The following ZIC4 variants were observed in gnomAD, a reference collection of about 807,000 sequenced individuals.
ZIC4 encodes zinc finger protein ZIC 4.
Under a neutral mutation model 28.8 loss-of-function variants are expected in ZIC4, and 15 were observed. The ratio of observed to expected loss-of-function variants is 0.52; its 90% CI spans 0.35 to 0.80. The LOEUF (loss-of-function observed/expected upper bound fraction) is 0.80. Among genes scored for constraint, ZIC4 ranks in the 30% least tolerant of loss-of-function variants. ZIC4 has a pLI of 0.01. For missense variants in ZIC4, 512 were observed against 467.1 expected (o/e 1.10, Z -0.89); for synonymous variants, 220 against 198.1 (o/e 1.11, Z -0.93).
At chr3:147,402,667 A>AAG in intron 2 of ZIC4, 61 bp downstream of exon 2, 5 of 1,456,112 alleles carry the variant, frequency 3.4e-6, no homozygotes, top group Non-Finnish European at 3.7e-6. Context: ...TAAAAAAAAA[A>AAG]AAGAAGAAGA....
chr3:147,386,358 T>A lies in ZIC4; in HGVS notation c.*2501A>T, dbSNP rs2086797621. ...GATTTCAGCCAGGCTTTTGTGTATATGTGAATTATGATTACAAAATGTTTG... is the reference window on the plus strand; with the variant it reads ...GATTTCAGCCAGGCTTTTGTGTATAAGTGAATTATGATTACAAAATGTTTG... On this transcript the variant is annotated 3_prime_UTR_variant, in exon 5 of 5. Transcript: ENST00000383075. 1.3e-5 allele frequency: 2 copies of A among 152,654 alleles called. No homozygotes were observed. Among genetic ancestry groups the A allele is most frequent in the South Asian group, 4.1e-4 (2 of 4,836 alleles). The allele number at this position is 152,654 out of a possible 1,614,324, so 9.5% of individuals were successfully genotyped here.
chr3:147,399,604 A>C (rs1017489515), intron 2 of ZIC4, among the ~76,000 whole-genome samples: 9 of 151,846 alleles, frequency 5.9e-5, no homozygotes, highest in African/African-American at 2.2e-4. Flanking sequence ...TAAAACTAAC[A>C]GTTCAGAATG....
At chr3:147,402,377 A>G (rs1158061632) in intron 2 of ZIC4, among the ~76,000 whole-genome samples, 1 of 152,216 alleles carries the variant, frequency 6.6e-6, no homozygotes, top group Non-Finnish European at 1.5e-5. Flanking sequence ...AATTGTCTGG[A>G]AATGAATTCA....
chr3:147,392,606 G>A (rs1158803156), intron 3 of ZIC4: 2 of 208,968 alleles, frequency 9.6e-6, no homozygotes, highest in Non-Finnish European at 1.7e-5. Context: ...AGCTGAGGAG[G>A]AAGACGCGCA....
At chr3:147,402,838 T>C (rs2087196699) in intron 1 of ZIC4, 26 bp from the exon 2 acceptor site, 2 of 1,602,178 alleles carry the variant, frequency 1.2e-6, no homozygotes, top group African/African-American at 2.7e-5. Flanking sequence ...AGAGTGACAG[T>C]CACTAGTTAA....
At chr3:147,402,507 G>A (rs553887097) in intron 2 of ZIC4, among the ~76,000 whole-genome samples, 2 of 152,234 alleles carry the variant, frequency 1.3e-5, no homozygotes, top group East Asian at 3.9e-4. Context: ...GCATTGAGGG[G>A]GATTAGCTGG....
chr3:147,392,599 T>G (rs564895911), intron 3 of ZIC4: 1 of 232,694 alleles, frequency 4.3e-6, no homozygotes, highest in South Asian at 1.6e-4. Context: ...AGCGTCTAGC[T>G]GAGGAGGAAG....
rs2087048126 is a variant in ZIC4 at position 147,396,516 on chromosome 3, G to A, written c.71-47C>T. The A allele has an allele frequency of 6.7e-7, 1 of 1,489,384 alleles. No homozygotes were observed. Among genetic ancestry groups the A allele is most frequent in the East Asian group, 2.3e-5 (1 of 43,078 alleles). The allele number at this position is 1,489,384 out of a possible 1,614,324, so 92.3% of individuals were successfully genotyped here. ...CGCATGAGAACGGGTGGCGTGGGCT[G>A]CGCGCTCTTCCCTGGGCCCCGGGGG... is the stretch of plus-strand genomic sequence containing the variant. On this transcript the variant is annotated intron_variant, in intron 2 of 4. Coordinates refer to ENST00000383075, the MANE Select transcript of ZIC4 (RefSeq NM_032153.6). The surrounding 1 kb of genome is among the most constrained non-coding windows in gnomAD (Gnocchi z 4.2).
chr3:147,398,183 C>T (rs950820718), intron 2 of ZIC4, among the ~76,000 whole-genome samples: 1 of 152,216 alleles, frequency 6.6e-6, no homozygotes, highest in Non-Finnish European at 1.5e-5. Context: ...TCGGATCTCC[C>T]TGGGCAAATC....
chr3:147,395,362 G>A (rs768110543), intron 3 of ZIC4, among the ~76,000 whole-genome samples: 6 of 152,072 alleles, frequency 3.9e-5, no homozygotes, highest in African/African-American at 7.2e-5. Context: ...TCAAAAATAC[G>A]TACAAAGTTA....
rs2086809625 is a variant in ZIC4, at chr3:147,387,092, GACTTAGGGTA to G, written c.*1757_*1766del. On this transcript the variant is annotated 3_prime_UTR_variant, in exon 5 of 5. Coordinates refer to ENST00000383075, the MANE Select transcript of ZIC4 (RefSeq NM_032153.6). ...AGAAAGAAGCAGAAACACAATTATG[GACTTAGGGTA>G]TGTATTCTGCTTGCACCCTCTCTGC... The G allele has an allele frequency of 6.6e-6, 1 of 152,132 alleles. No homozygotes were observed. The highest frequency in any genetic ancestry group is 1.5e-5 in the Non-Finnish European group (1 of 68,030). The allele number at this position is 152,132 out of a possible 1,614,324, so 9.4% of individuals were successfully genotyped here. A position where few individuals can be genotyped will look rare whatever the true frequency, so the allele number is the denominator to read the frequency against.
intron 4 of ZIC4, chr3:147,389,170 C>A: frequency 2.4e-6 from 1 of 417,194 alleles, no homozygotes. Context: ...GAATTTCAGT[C>A]CCCCTTTCTC....
intron 1 of ZIC4, among the ~76,000 whole-genome samples, chr3:147,404,519 C>A (rs2087234527): frequency 6.6e-6 from 1 of 152,180 alleles, no homozygotes; most frequent in South Asian, 2.1e-4. Flanking sequence ...TGGGAGCAAT[C>A]CTGGGGCCCG....
In ZIC4 at chr3:147,405,435, C is replaced by G. The variant is rs760923669; in HGVS notation, c.-16+928G>C. ...GCCGAAGTGCAACCCTCCAAAAGCC[C>G]CTCCGCTTTCCTAAGACTTTGACAT... is the stretch of plus-strand genomic sequence containing the variant. On this transcript the variant is annotated intron_variant, in intron 1 of 4. Transcript: ENST00000383075. 7 of 1,537,112 alleles carry G rather than the reference C, an allele frequency of 4.6e-6. No individual in the cohort carries two copies. In the Admixed American group the frequency reaches 1.4e-4, roughly 30 times the overall value.
chr3:147,403,959 C>A, intron 1 of ZIC4: 1 of 1,536,526 alleles, frequency 6.5e-7, no homozygotes. Context: ...GGGGGGTAGA[C>A]TCACCTTTTC....
intron 2 of ZIC4, among the ~76,000 whole-genome samples, chr3:147,402,161 A>G (rs2087177570): frequency 6.6e-6 from 1 of 152,218 alleles, no homozygotes; most frequent in Non-Finnish European, 1.5e-5. Context: ...ATATTAAATT[A>G]AATTCTTCAC....
At chr3:147,390,327 A>G (rs1196134294) in intron 4 of ZIC4, among the ~76,000 whole-genome samples, 1 of 152,082 alleles carries the variant, frequency 6.6e-6, no homozygotes, top group African/African-American at 2.4e-5. Flanking sequence ...AACTGGAGTC[A>G]AGAAAACGGC....
chr3:147,402,572 G>T (rs1166192174), intron 2 of ZIC4, among the ~76,000 whole-genome samples, 156 bp downstream of exon 2: 1 of 151,766 alleles, frequency 6.6e-6, no homozygotes, highest in African/African-American at 2.4e-5. Context: ...GAACACTAAG[G>T]AGTTCTAAGT....
At position 147,396,036 on chromosome 3, in the gene ZIC4, C is replaced by A; in HGVS notation, c.504G>T (p.Gln168His). Reference sequence around the variant, plus strand: ...CCTCCCAGAAGCAAATGTGGTTGGCCTGTTCCGGGCCGCCGACGTGCTCCA... The same window carrying A: ...CCTCCCAGAAGCAAATGTGGTTGGCATGTTCCGGGCCGCCGACGTGCTCCA... ...VTVEHVGGPE[Q>H]ANHICFWEEC... The change falls in exon 3 of 5, where the codon CAG becomes CAT. Residue 168 changes from glutamine to histidine, a missense_variant. Transcript: ENST00000383075. This position sits in a 1 kb window ranked among gnomAD's most constrained non-coding sequence, Gnocchi z 4.2. 6.2e-7 allele frequency: 1 copy of A among 1,614,266 alleles called. No homozygotes were observed. Among genetic ancestry groups the A allele is most frequent in the Non-Finnish European group, 8.5e-7 (1 of 1,180,052 alleles).
Sources: allele counts gnomAD v4.1 joint callset (sites outside exome capture counted in the v4.1 genomes callset), GRCh38; gene constraint gnomAD v4.1.1; non-coding constraint Gnocchi (gnomAD v3.1); transcripts MANE v1.5; gene names NCBI Gene and HGNC (gene_info 2026-07-23, HGNC 2026-07-21).